The following LAMA2 variants were observed in gnomAD, a reference collection of about 807,000 sequenced individuals.
LAMA2 encodes the protein laminin subunit alpha-2.
In LAMA2, 269 loss-of-function variants were observed where a neutral mutation model predicts 364.8. The ratio of observed to expected loss-of-function variants is 0.74; its 90% CI spans 0.67 to 0.82. The LOEUF (loss-of-function observed/expected upper bound fraction) is 0.82, where lower values mean the gene tolerates loss of function less well. Among genes scored for constraint, LAMA2 ranks in the 40% least tolerant of loss-of-function variants. The pLI, the probability that LAMA2 is intolerant of heterozygous loss-of-function variation, is 0.00. For missense variants in LAMA2, 3,807 were observed against 3,873.2 expected, an observed-to-expected ratio of 0.98 and a Z score of 0.45; for synonymous variants, 1,379 against 1,370.6, an observed-to-expected ratio of 1.01 and a Z score of -0.14.
intron 1 of LAMA2, among the ~76,000 whole-genome samples, chr6:129,042,677 C>G (rs1166044875): frequency 6.6e-6 from 1 of 152,068 alleles, no homozygotes; most frequent in Non-Finnish European, 1.5e-5. Flanking sequence ...GTCTCTGCCC[C>G]CAAGCTCCCA....
intron 4 of LAMA2, among the ~76,000 whole-genome samples, chr6:129,106,799 A>T (rs1775849205): frequency 6.6e-6 from 1 of 150,838 alleles, no homozygotes; most frequent in Admixed American, 6.6e-5. Flanking sequence ...TAAAGATAAA[A>T]TTAAGAGGAT....
intron 4 of LAMA2, among the ~76,000 whole-genome samples, chr6:129,123,534 T>C (rs1299759482): frequency 1.3e-5 from 2 of 152,098 alleles, no homozygotes; most frequent in African/African-American, 2.4e-5. Context: ...ATACATACAA[T>C]AGGATATTAC....
At chr6:129,454,500 C>T (rs1782855889) in intron 47 of LAMA2, among the ~76,000 whole-genome samples, 1 of 152,158 alleles carries the variant, frequency 6.6e-6, no homozygotes, top group Non-Finnish European at 1.5e-5. Context: ...AGAGGAACAA[C>T]TCCATTTCTG....
intron 1 of LAMA2, among the ~76,000 whole-genome samples, chr6:128,922,659 G>A (rs1158538129): frequency 4.6e-5 from 7 of 151,998 alleles, no homozygotes; most frequent in Non-Finnish European, 8.8e-5. Context: ...TTTGTCGGTT[G>A]CCTGTTCACT....
chr6:129,309,878 G>T (rs1583463977), intron 22 of LAMA2, among the ~76,000 whole-genome samples: 1 of 149,930 alleles, frequency 6.7e-6, no homozygotes, highest in Admixed American at 6.7e-5. Context: ...ATAAAGACAA[G>T]AAATAAAGCT....
At chr6:128,924,127 T>C (rs542783943) in intron 1 of LAMA2, among the ~76,000 whole-genome samples, 65 of 152,324 alleles carry the variant, frequency 4.3e-4, no homozygotes, top group African/African-American at 1.5e-3. Context: ...AAAATCATAC[T>C]ATGCTCTCAA....
At chr6:129,184,182 T>A (rs1210193275) in intron 10 of LAMA2, among the ~76,000 whole-genome samples, 1 of 151,938 alleles carries the variant, frequency 6.6e-6, no homozygotes, top group African/African-American at 2.4e-5. Context: ...TTTATTGGTT[T>A]TGGATTTCCC....
At chr6:129,367,704 A>G (rs781379587) in intron 33 of LAMA2, among the ~76,000 whole-genome samples, 12 of 152,356 alleles carry the variant, frequency 7.9e-5, no homozygotes, top group Non-Finnish European at 1.5e-4. Context: ...TTTCCAGAAG[A>G]AGAAACCAAT....
intron 34 of LAMA2, among the ~76,000 whole-genome samples, chr6:129,371,665 G>T (rs1778091076): frequency 1.3e-5 from 2 of 148,458 alleles, no homozygotes; most frequent in African/African-American, 5.0e-5. Flanking sequence ...GGAGTGCAGT[G>T]GTGCGATCTT....
At chr6:129,468,966 G>A (rs1175461943) in intron 51 of LAMA2, among the ~76,000 whole-genome samples, 2 of 151,846 alleles carry the variant, frequency 1.3e-5, no homozygotes, top group Non-Finnish European at 2.9e-5. Context: ...GGGTAGGAGG[G>A]GTGGAAGCAG....
intron 37 of LAMA2, among the ~76,000 whole-genome samples, chr6:129,398,472 C>CTTTTTTTTTTTTTTTTTTTT (rs71028159): frequency 1.8e-5 from 2 of 110,550 alleles, no homozygotes; most frequent in African/African-American, 7.2e-5. Context: ...CTTTTCTTTT[C>CTTTTTTTTTTTTTTTTTTTT]TTTTTTTTTT....
At chr6:128,966,729 AAGC>A (rs1483512299) in intron 1 of LAMA2, among the ~76,000 whole-genome samples, 1 of 152,168 alleles carries the variant, frequency 6.6e-6, no homozygotes, top group African/African-American at 2.4e-5. Flanking sequence ...TAATTAGAAA[AAGC>A]AGGTCAATGT....
At chr6:128,978,601 C>A (rs1342785765) in intron 1 of LAMA2, among the ~76,000 whole-genome samples, 3 of 152,092 alleles carry the variant, frequency 2.0e-5, no homozygotes, top group Admixed American at 6.5e-5. Context: ...CAAGCGTGAG[C>A]CACCATGCCC....
rs1017034642 is a variant in LAMA2, at chr6:129,424,406, C to CA, written c.5866-3334dup. 7.9e-3 allele frequency among the ~76,000 whole-genome samples: 1,040 copies of CA among 131,852 alleles called. 7 individuals carry two copies. The highest frequency in any genetic ancestry group is 0.023 in the African/African-American group (820 of 36,022). The allele number at this position is 131,852 out of a possible 152,430, so 86.5% of individuals were successfully genotyped here. A position where few individuals can be genotyped will look rare whatever the true frequency, so the allele number is the denominator to read the frequency against. On this transcript the variant is annotated intron_variant, in intron 40 of 64. Transcript: ENST00000421865. ...ATCAAAATTGAGAACTTCTTCCCTT[C>CA]AAAAAAAAAAAAGCACTTTTAAGAA...
chr6:129,286,540 T>TCC (rs1334241581), intron 18 of LAMA2, among the ~76,000 whole-genome samples: 5 of 100,350 alleles, frequency 5.0e-5, no homozygotes, highest in African/African-American at 1.9e-4. Flanking sequence ...TCCAATAATA[T>TCC]AATATATTAT....
chr6:129,252,189 G>A lies in LAMA2; in HGVS notation c.1990G>A (p.Gly664Ser). Residue 664 changes from glycine (G) to serine (S), a missense_variant, in exon 14 of 65, where the codon GGC becomes AGC. Physicochemically the swap from Gly to Ser is moderately conservative, Grantham distance 56. Around this residue, in one of 3 missense-constraint regions of LAMA2, gnomAD observed 3,333 missense variants for 3,345.7 expected, o/e 1.00. Transcript: ENST00000421865. ...TAAAGAAGAATCATTTACCATACAT[G>A]GCACACATTTTCCAGTCCGTAGAAA... ...LLKEESFTIHGTHFPVRRKEF... is the reference protein window; with the variant it reads ...LLKEESFTIHSTHFPVRRKEF... The A allele has an allele frequency of 6.2e-7, 1 of 1,613,556 alleles. No homozygotes were observed. The highest frequency in any genetic ancestry group is 2.2e-5 in the East Asian group (1 of 44,846).
intron 17 of LAMA2, among the ~76,000 whole-genome samples, chr6:129,279,030 A>G (rs1055004559): frequency 1.3e-5 from 2 of 152,162 alleles, no homozygotes; most frequent in Non-Finnish European, 2.9e-5. Context: ...ATTTGTTGTT[A>G]TGTCTTTAAT....
In LAMA2 at chr6:129,177,864, A is replaced by C; in HGVS notation, c.1465A>C (p.Lys489Gln). 1 of 1,613,506 alleles carries C rather than the reference A, an allele frequency of 6.2e-7. No homozygotes were observed. The highest frequency in any genetic ancestry group is 8.5e-7 in the Non-Finnish European group (1 of 1,179,532). ...EDPCFGPCIC[K>Q]ENVEGGDCSR... ...TCCTTGTTTTGGCCCCTGTATCTGC[A>C]AGGTACATTGTTTATTCCAGTAATG... Residue 489 changes from lysine (K) to glutamine (Q), a missense_variant and splice_region_variant, in exon 10 of 65, where the codon AAG (lysine) becomes CAG (glutamine). Around this residue, in one of 3 missense-constraint regions of LAMA2, gnomAD observed 3,333 missense variants for 3,345.7 expected, o/e 1.00. Coordinates refer to ENST00000421865, the MANE Select transcript of LAMA2 (RefSeq NM_000426.4).
At chr6:129,295,072 G>C (rs1001531003) in intron 20 of LAMA2, among the ~76,000 whole-genome samples, 3 of 152,136 alleles carry the variant, frequency 2.0e-5, no homozygotes, top group Admixed American at 2.0e-4. Flanking sequence ...GTATGTGTGA[G>C]AGCTGAGAGC....
Sources: gnomAD v4.1 joint callset for allele counts (sites outside exome capture counted in the v4.1 genomes callset) on GRCh38, gnomAD v4.1.1 for gene constraint, gnomAD v4.1.1 regional missense constraint, MANE v1.5 for transcripts, NCBI Gene and HGNC (gene_info 2026-07-23, HGNC 2026-07-21) for gene names.